The following DLEU7 variants were observed in gnomAD, a reference collection of about 807,000 sequenced individuals.
DLEU7 encodes the protein deleted in lymphocytic leukemia 7.
Under a neutral mutation model 16.0 loss-of-function variants are expected in DLEU7, and 17 were observed. That is an observed-to-expected ratio of 1.06 (90% confidence interval 0.73 to 1.59). DLEU7 has a LOEUF of 1.59. Ranked by LOEUF, DLEU7 falls within the 40% of genes most tolerant of loss-of-function variation. The pLI is 0.00. For missense variants in DLEU7, 308 were observed against 314.9 expected (o/e 0.98, Z 0.17); for synonymous variants, 113 against 139.8 (o/e 0.81, Z 1.35).
At chr13:50,761,369 G>A (rs1196269784) in intron 1 of DLEU7, among the ~76,000 whole-genome samples, 1 of 152,084 alleles carries the variant, frequency 6.6e-6, no homozygotes, top group African/African-American at 2.4e-5. Context: ...TGATTTGAGT[G>A]ATCTGAATTT....
intron 1 of DLEU7, among the ~76,000 whole-genome samples, chr13:50,727,245 G>A (rs376266972): frequency 6.6e-6 from 1 of 152,122 alleles, no homozygotes; most frequent in East Asian, 1.9e-4. Context: ...GTGTGTGTGA[G>A]CAAGGAGGTT....
At chr13:50,780,146 T>A (rs1228198342) in intron 1 of DLEU7, among the ~76,000 whole-genome samples, 1 of 152,142 alleles carries the variant, frequency 6.6e-6, no homozygotes, top group African/African-American at 2.4e-5. Flanking sequence ...GGTGGTAGGC[T>A]TACGAGTACA....
downstream of DLEU7, chr13:50,822,492 T>C (rs572990239): frequency 1.2e-4 from 38 of 313,666 alleles, no homozygotes; most frequent in African/African-American, 1.3e-3. Flanking sequence ...TGGACTGTTG[T>C]TGAAAAAAAA....
chr13:50,755,043 T>G (rs1441488484), intron 1 of DLEU7, among the ~76,000 whole-genome samples: 2 of 152,228 alleles, frequency 1.3e-5, no homozygotes, highest in Admixed American at 6.5e-5. Flanking sequence ...TTGCAAGGTT[T>G]CTGTTGAGAA....
At chr13:50,762,189 CAAAAA>C (rs71085045) in intron 1 of DLEU7, among the ~76,000 whole-genome samples, 2 of 84,294 alleles carry the variant, frequency 2.4e-5, no homozygotes, top group Non-Finnish European at 2.3e-5. Flanking sequence ...AGACTCGTCT[CAAAAA>C]AAAAAAAAAA....
chr13:50,811,925 C>G (rs1219788736), intron 1 of DLEU7, among the ~76,000 whole-genome samples: 3 of 152,000 alleles, frequency 2.0e-5, no homozygotes, highest in Non-Finnish European at 2.9e-5. Context: ...AAAAAATCAG[C>G]TGGGCATGGT....
chr13:50,838,347 T>C (rs939993607), intron 1 of DLEU7, among the ~76,000 whole-genome samples: 1 of 152,238 alleles, frequency 6.6e-6, no homozygotes, highest in Non-Finnish European at 1.5e-5. Flanking sequence ...CGCCACAATT[T>C]CCATGAAACT....
rs138662026 is a variant in DLEU7, at chr13:50,782,909, G to C, written c.459+60279C>G. ...CTGGGTCCACCTCCCCTCAGCCTGC[G>C]TTCACCTACAACATGAGCTCCCAAG... On this transcript the variant is annotated intron_variant, in intron 1 of 1. Transcript: ENST00000400393. Among the ~76,000 whole-genome samples, 57 of 152,250 alleles carry C rather than the reference G, an allele frequency of 3.7e-4. No homozygotes were observed. The East Asian group carries it at 0.01, about 27-fold the overall frequency.
At chr13:50,778,509 A>T (rs978054525) in intron 1 of DLEU7, among the ~76,000 whole-genome samples, 1 of 152,218 alleles carries the variant, frequency 6.6e-6, no homozygotes, top group Non-Finnish European at 1.5e-5. Context: ...TATTCATCTC[A>T]TGAACTACTG....
At chr13:50,791,840 A>G (rs760246710) in intron 1 of DLEU7, among the ~76,000 whole-genome samples, 7 of 152,216 alleles carry the variant, frequency 4.6e-5, no homozygotes, top group Admixed American at 2.0e-4. Flanking sequence ...ACGCCTTTAC[A>G]TGTTTTCCAC....
At chr13:50,766,478 C>T (rs1047302524) in intron 1 of DLEU7, among the ~76,000 whole-genome samples, 1 of 151,690 alleles carries the variant, frequency 6.6e-6, no homozygotes, top group Non-Finnish European at 1.5e-5. Flanking sequence ...TCCTTCTCTT[C>T]CTACTCCTCC....
chr13:50,783,492 T>G (rs746607611), intron 1 of DLEU7, among the ~76,000 whole-genome samples: 1 of 152,208 alleles, frequency 6.6e-6, no homozygotes. Flanking sequence ...ATAATTATTC[T>G]GTAGTTTCAT....
chr13:50,780,610 A>T (rs1206442795), intron 1 of DLEU7, among the ~76,000 whole-genome samples: 1 of 152,174 alleles, frequency 6.6e-6, no homozygotes, highest in Non-Finnish European at 1.5e-5. Flanking sequence ...CTTATGTGGA[A>T]TTGGGGTGGA....
intron 1 of DLEU7, among the ~76,000 whole-genome samples, chr13:50,759,971 G>A (rs1448292730): frequency 6.6e-6 from 1 of 152,160 alleles, no homozygotes; most frequent in Non-Finnish European, 1.5e-5. Context: ...GACCCCCCAT[G>A]TAGCTCATCA....
chr13:50,728,982 T>C (rs1011552315), intron 1 of DLEU7, among the ~76,000 whole-genome samples: 1 of 152,202 alleles, frequency 6.6e-6, no homozygotes, highest in Non-Finnish European at 1.5e-5. Context: ...TGAAAATCTT[T>C]GTATAACTTT....
At chr13:50,763,777 G>A (rs938377653) in intron 1 of DLEU7, among the ~76,000 whole-genome samples, 6 of 152,114 alleles carry the variant, frequency 3.9e-5, no homozygotes, top group Admixed American at 6.6e-5. Context: ...AATCAGCCCC[G>A]TCACTGACTT....
intron 1 of DLEU7, among the ~76,000 whole-genome samples, chr13:50,764,560 C>T (rs1288498100): frequency 3.9e-5 from 6 of 152,202 alleles, no homozygotes; most frequent in Non-Finnish European, 5.9e-5. Flanking sequence ...TTAAGTGTTT[C>T]TTAAAACACT....
chr13:50,833,385 G>A (rs554286125), intron 1 of DLEU7, among the ~76,000 whole-genome samples: 4 of 152,266 alleles, frequency 2.6e-5, no homozygotes, highest in South Asian at 4.1e-4. Flanking sequence ...AAAATCACAA[G>A]CATTCTTATA....
intron 1 of DLEU7, among the ~76,000 whole-genome samples, chr13:50,772,799 T>C (rs1268172129): frequency 6.6e-6 from 1 of 152,206 alleles, no homozygotes; most frequent in East Asian, 1.9e-4. Flanking sequence ...TTTCCTGAAT[T>C]TGAATGTTGG....
Sources: gnomAD v4.1 joint callset for allele counts (sites outside exome capture counted in the v4.1 genomes callset) on GRCh38, gnomAD v4.1.1 for gene constraint, MANE v1.5 for transcripts, NCBI Gene and HGNC (gene_info 2026-07-23, HGNC 2026-07-21) for gene names.